The following ZNF713 variants were observed in gnomAD, a reference collection of about 807,000 sequenced individuals.
ZNF713 encodes the protein zinc finger protein 713.
Under a neutral mutation model 28.7 loss-of-function variants are expected in ZNF713, and 21 were observed. The ratio of observed to expected loss-of-function variants is 0.73; its 90% CI spans 0.52 to 1.05. The LOEUF (loss-of-function observed/expected upper bound fraction) is 1.05. Among genes scored for constraint, ZNF713 ranks in the 50% least tolerant of loss-of-function variants. The probability of loss-of-function intolerance (pLI) is 0.00; values close to 1 mark genes in which losing one functional copy is unlikely to be tolerated. For missense variants in ZNF713, 458 were observed against 532.4 expected, an observed-to-expected ratio of 0.86 and a Z score of 1.37; for synonymous variants, 167 against 178.0, an observed-to-expected ratio of 0.94 and a Z score of 0.49.
At chr7:55,931,924 G>C (rs1786217664) in intron 6 of ZNF713, among the ~76,000 whole-genome samples, 1 of 152,204 alleles carries the variant, frequency 6.6e-6, no homozygotes, top group African/African-American at 2.4e-5. Context: ...AGGTCCACAG[G>C]CTGCAGATTC....
intron 2 of ZNF713, among the ~76,000 whole-genome samples, chr7:55,909,584 G>C (rs1785747430): frequency 6.6e-6 from 1 of 152,140 alleles, no homozygotes; most frequent in African/African-American, 2.4e-5. Flanking sequence ...AAATGACATT[G>C]GTAATTTGAT....
rs1785803081 is a variant in ZNF713 at position 55,912,517 on chromosome 7, GGCTT to G, written c.-2-117_-2-114del. 3 of 674,814 alleles carry G rather than the reference GGCTT, an allele frequency of 4.4e-6. No homozygotes were observed. In the South Asian group the frequency reaches 5.7e-5, roughly 13 times the overall value. The allele number at this position is 674,814 out of a possible 1,614,324, so 41.8% of individuals were successfully genotyped here. On this transcript the variant is annotated intron_variant, in intron 3 of 6. Transcript: ENST00000429591. ...AAGAGTAGAGACGTCACAACCTTTAGGCTTATGTCTTAGAGGGCTTCTCAGTACT... is the reference window on the plus strand; with the variant it reads ...AAGAGTAGAGACGTCACAACCTTTAGATGTCTTAGAGGGCTTCTCAGTACT...
intron 3 of ZNF713, among the ~76,000 whole-genome samples, 190 bp downstream of exon 3, chr7:55,912,258 A>G (rs1053008547): frequency 6.6e-6 from 1 of 152,184 alleles, no homozygotes; most frequent in African/African-American, 2.4e-5. Flanking sequence ...TCTCATCTAC[A>G]CTTAGAGTCA....
At chr7:55,932,868 G>A (rs1786265423) in intron 6 of ZNF713, among the ~76,000 whole-genome samples, 1 of 110,654 alleles carries the variant, frequency 9.0e-6, no homozygotes, top group South Asian at 3.5e-4. Context: ...TCCGGCCTGG[G>A]CGACAGAGCG....
At chr7:55,922,018 C>T (rs1437610087) in intron 4 of ZNF713, among the ~76,000 whole-genome samples, 3 of 152,076 alleles carry the variant, frequency 2.0e-5, no homozygotes, top group African/African-American at 7.2e-5. Flanking sequence ...CTCCACCTCC[C>T]GGGTTCAAGC....
Position 55,940,496 on chromosome 7 carries a change from G to A in ZNF713, c.*490G>A. On this transcript the variant is annotated 3_prime_UTR_variant, in exon 7 of 7. Coordinates refer to ENST00000429591, the MANE Select transcript of ZNF713 (RefSeq NM_182633.3). ...GCAGCATATTACATTCCCAGGAGGG[G>A]TTATAAAAAGAAAAAATAATTTATT... 1 of 983,082 alleles carries A rather than the reference G, an allele frequency of 1.0e-6. No homozygotes were observed. Among genetic ancestry groups the A allele is most frequent in the South Asian group, 4.7e-5 (1 of 21,242 alleles). The allele number at this position is 983,082 out of a possible 1,614,324, so 60.9% of individuals were successfully genotyped here. A position where few individuals can be genotyped will look rare whatever the true frequency, so the allele number is the denominator to read the frequency against.
chr7:55,915,200 T>G (rs555620978), intron 4 of ZNF713, among the ~76,000 whole-genome samples: 2 of 152,352 alleles, frequency 1.3e-5, no homozygotes, highest in South Asian at 4.1e-4. Context: ...TAGAAATAAG[T>G]GGCATGTCTG....
intron 4 of ZNF713, among the ~76,000 whole-genome samples, chr7:55,920,552 G>C (rs1016613507): frequency 6.6e-6 from 1 of 152,208 alleles, no homozygotes; most frequent in African/African-American, 2.4e-5. Context: ...AGCTGCAGAA[G>C]AAAAGTTGGA....
intron 6 of ZNF713, among the ~76,000 whole-genome samples, chr7:55,928,425 C>G (rs780859364): frequency 2.6e-5 from 4 of 152,082 alleles, no homozygotes; most frequent in Non-Finnish European, 5.9e-5. Context: ...CTGACGAGGA[C>G]TTAAAACTAA....
At chr7:55,892,480 A>T (rs1257580354) in intron 1 of ZNF713, among the ~76,000 whole-genome samples, 1 of 148,484 alleles carries the variant, frequency 6.7e-6, no homozygotes, top group Non-Finnish European at 1.5e-5. Flanking sequence ...ACAAGAGAAA[A>T]GCATAACAAG....
intron 6 of ZNF713, among the ~76,000 whole-genome samples, chr7:55,936,303 G>A (rs1050098546): frequency 2.6e-5 from 4 of 151,656 alleles, no homozygotes; most frequent in African/African-American, 9.7e-5. Flanking sequence ...CTTCCGTGAG[G>A]AGATTGGGTA....
At chr7:55,898,273 CAATA>C (rs2116178145) in intron 1 of ZNF713, among the ~76,000 whole-genome samples, 1 of 152,228 alleles carries the variant, frequency 6.6e-6, no homozygotes, top group South Asian at 2.1e-4. Flanking sequence ...AGGAAACAAT[CAATA>C]AATGAAGAGA....
chr7:55,903,780 T>TG (rs1205760708), intron 1 of ZNF713, among the ~76,000 whole-genome samples: 1 of 151,028 alleles, frequency 6.6e-6, no homozygotes, highest in Non-Finnish European at 1.5e-5. Flanking sequence ...GTAGATATCA[T>TG]GGGGGTGGAT....
chr7:55,891,609 C>G (rs1785380906), intron 1 of ZNF713, among the ~76,000 whole-genome samples: 1 of 152,082 alleles, frequency 6.6e-6, no homozygotes, highest in Non-Finnish European at 1.5e-5. Context: ...AGGAGGAGCT[C>G]TTGAGCCCAG....
At chr7:55,930,369 G>A (rs1786186222) in intron 6 of ZNF713, among the ~76,000 whole-genome samples, 1 of 152,182 alleles carries the variant, frequency 6.6e-6, no homozygotes, top group Admixed American at 6.6e-5. Flanking sequence ...TGAACTGGAA[G>A]TCAGCACAAA....
chr7:55,915,736 A>G (rs1354432303), intron 4 of ZNF713, among the ~76,000 whole-genome samples: 1 of 152,192 alleles, frequency 6.6e-6, no homozygotes, highest in Non-Finnish European at 1.5e-5. Flanking sequence ...AATGACTTGA[A>G]GTGAGCTTGG....
chr7:55,908,132 GT>G (rs1374001911), intron 2 of ZNF713, among the ~76,000 whole-genome samples: 1 of 110,980 alleles, frequency 9.0e-6, no homozygotes, highest in Non-Finnish European at 1.8e-5. Context: ...AACATCCGTT[GT>G]TGTTTTTTTT....
chr7:55,893,767 A>G (rs1309741404), intron 1 of ZNF713, among the ~76,000 whole-genome samples: 1 of 151,874 alleles, frequency 6.6e-6, no homozygotes. Context: ...TTTAGTAGAG[A>G]CAGCATTTCA....
chr7:55,905,354 T>A (rs140000164), intron 1 of ZNF713, among the ~76,000 whole-genome samples: 82 of 152,258 alleles, frequency 5.4e-4, no homozygotes, highest in African/African-American at 1.9e-3. Context: ...ATCTGTGTAT[T>A]TTAAAATCAC....
Sources: gnomAD v4.1 joint callset for allele counts (sites outside exome capture counted in the v4.1 genomes callset) on GRCh38, gnomAD v4.1.1 for gene constraint, MANE v1.5 for transcripts, NCBI Gene and HGNC (gene_info 2026-07-23, HGNC 2026-07-21) for gene names.